Variants in LAMA4 observed in about 807,000 individuals in gnomAD.
LAMA4 encodes laminin subunit alpha 4, also known as laminin subunit alpha-4.
A neutral mutation model predicts 207.1 loss-of-function variants in LAMA4; 127 were observed. The ratio of observed to expected loss-of-function variants is 0.61; its 90% CI spans 0.53 to 0.71. The LOEUF (loss-of-function observed/expected upper bound fraction) is 0.71. Among genes scored for constraint, LAMA4 ranks in the 30% least tolerant of loss-of-function variants. LAMA4 has a pLI of 0.00. For synonymous variants in LAMA4, 761 were observed against 816.0 expected (o/e 0.93, Z 1.15); for missense variants, 2,093 against 2,246.5 (o/e 0.93, Z 1.38).
chr6:112,136,690 T>G (rs1420833073), intron 24 of LAMA4, among the ~76,000 whole-genome samples: 1 of 76,444 alleles, frequency 1.3e-5, no homozygotes, highest in Non-Finnish European at 2.7e-5. Context: ...AGACTCTGTC[T>G]CAAAAAAAAA....
chr6:112,188,888 A>G, intron 7 of LAMA4: 1 of 537,248 alleles, frequency 1.9e-6, no homozygotes, highest in Non-Finnish European at 3.4e-6. Flanking sequence ...AAGACTGGAT[A>G]AAATAGAGCT....
chr6:112,153,074 A>ATGAATT (rs1554336076), intron 16 of LAMA4, among the ~76,000 whole-genome samples: 3 of 152,076 alleles, frequency 2.0e-5, no homozygotes, highest in Non-Finnish European at 4.4e-5. Flanking sequence ...ACTTGCATAA[A>ATGAATT]TACTTTTCAT....
chr6:112,225,624 T>C (rs1164288315), intron 2 of LAMA4, among the ~76,000 whole-genome samples: 1 of 152,152 alleles, frequency 6.6e-6, no homozygotes, highest in African/African-American at 2.4e-5. Context: ...CCTTACACAG[T>C]TCTGAACTGT....
At chr6:112,194,387 A>G (rs1554349942) in intron 5 of LAMA4, among the ~76,000 whole-genome samples, 1 of 152,066 alleles carries the variant, frequency 6.6e-6, no homozygotes, top group African/African-American at 2.4e-5. Flanking sequence ...ACAAGAGAAA[A>G]CTCAAATTTT....
At chr6:112,164,695 T>A (rs1781282690) in intron 13 of LAMA4, among the ~76,000 whole-genome samples, 1 of 152,204 alleles carries the variant, frequency 6.6e-6, no homozygotes, top group African/African-American at 2.4e-5. Context: ...TTATTGGAAA[T>A]TTTCTACTTT....
At chr6:112,152,948 A>G (rs782166897) in intron 16 of LAMA4, among the ~76,000 whole-genome samples, 11 of 152,124 alleles carry the variant, frequency 7.2e-5, no homozygotes, top group Non-Finnish European at 1.5e-4. Flanking sequence ...GAAAGAATAT[A>G]TTTAACTCTA....
At chr6:112,221,450 ACAAACC>A (rs1318434243) in intron 2 of LAMA4, among the ~76,000 whole-genome samples, 3 of 152,170 alleles carry the variant, frequency 2.0e-5, no homozygotes, top group Admixed American at 1.3e-4. Flanking sequence ...AAAAACAAAA[ACAAACC>A]CAAAATCCCT....
intron 2 of LAMA4, among the ~76,000 whole-genome samples, chr6:112,241,140 T>TTC (rs1554187576): frequency 1.5e-4 from 10 of 68,408 alleles, no homozygotes; most frequent in African/African-American, 3.9e-4. Flanking sequence ...TATATAGGAA[T>TTC]ATATATATGA....
Position 112,148,310 on chromosome 6 carries a change from A to T in LAMA4, c.2200T>A (p.Ser734Thr). Reference sequence around the variant, plus strand: ...TTGGCTTCCTCGGTGATCAGTCTAGACTGCCCCAGGCGCTGCTGGGCATCC... The same window carrying T: ...TTGGCTTCCTCGGTGATCAGTCTAGTCTGCCCCAGGCGCTGCTGGGCATCC... The part of the protein sequence containing the change: ...RGDAQQRLGQ[S>T]RLITEEANRT... The change falls in exon 18 of 39, where the codon TCT becomes ACT. Residue 734 changes from serine to threonine, a missense_variant. This residue lies in a region of LAMA4 where 1,704 missense variants were observed against 1,788.4 expected (regional missense o/e 0.95). Coordinates refer to ENST00000230538, the MANE Select transcript of LAMA4 (RefSeq NM_001105206.3). 1 of 1,614,212 alleles carries T rather than the reference A, an allele frequency of 6.2e-7. No homozygotes were observed. Among genetic ancestry groups the T allele is most frequent in the Non-Finnish European group, 8.5e-7 (1 of 1,180,020 alleles).
chr6:112,175,619 A>G (rs1781979767), intron 10 of LAMA4, 139 bp from the exon 11 acceptor site: 2 of 837,392 alleles, frequency 2.4e-6, no homozygotes, highest in Admixed American at 1.9e-5. Context: ...GCAGCGTGCT[A>G]GTGTTCATGC....
chr6:112,149,787 G>A (rs956353061), intron 17 of LAMA4, among the ~76,000 whole-genome samples: 1 of 152,166 alleles, frequency 6.6e-6, no homozygotes, highest in Non-Finnish European at 1.5e-5. Context: ...TGATGATGAG[G>A]CTTCTCCATG....
rs1780161954 is a variant in LAMA4 at position 112,148,338 on chromosome 6, T to C, written c.2174-2A>G. 1 of 1,614,032 alleles carries C rather than the reference T, an allele frequency of 6.2e-7. No individual in the cohort carries two copies. The highest frequency in any genetic ancestry group is 8.5e-7 in the Non-Finnish European group (1 of 1,180,008). On this transcript the variant is annotated splice_acceptor_variant, in intron 17 of 38. Transcript: ENST00000230538. LOFTEE classifies it high-confidence loss of function. The stretch of plus-strand genomic sequence containing the variant: ...GCCCCAGGCGCTGCTGGGCATCCCC[T>C]TTACACAGAGCACAGGGTCATTCAC...
At chr6:112,111,855 G>T (rs782339916) in intron 38 of LAMA4, among the ~76,000 whole-genome samples, 1 of 152,204 alleles carries the variant, frequency 6.6e-6, no homozygotes, top group Non-Finnish European at 1.5e-5. Context: ...AGTGAGGGAT[G>T]ATGGCAGTGT....
intron 19 of LAMA4, among the ~76,000 whole-genome samples, chr6:112,143,199 T>C (rs1313760896): frequency 3.3e-5 from 5 of 152,150 alleles, no homozygotes; most frequent in African/African-American, 1.2e-4. Context: ...ATTTGGCTAA[T>C]GTGGGTGGTC....
At chr6:112,146,238 C>G (rs1259658595) in intron 18 of LAMA4, among the ~76,000 whole-genome samples, 6 of 151,190 alleles carry the variant, frequency 4.0e-5, no homozygotes, top group African/African-American at 1.2e-4. Context: ...TGCAATGGGC[C>G]AAGATCGCAC....
chr6:112,184,707 G>C (rs890759750), intron 9 of LAMA4, among the ~76,000 whole-genome samples: 11 of 152,034 alleles, frequency 7.2e-5, no homozygotes, highest in Non-Finnish European at 1.3e-4. Flanking sequence ...TTGTGGATTT[G>C]AGATTTATAC....
At chr6:112,127,720 AAGCAAGGAGACCTGCTGGG>A (rs879956628) in intron 31 of LAMA4, among the ~76,000 whole-genome samples, 1 of 152,158 alleles carries the variant, frequency 6.6e-6, no homozygotes, top group Non-Finnish European at 1.5e-5. Flanking sequence ...AACAAGGTGG[AAGCAAGGAGACCTGCTGGG>A]AGGTGATGCA....
At chr6:112,164,375 C>G (rs117665809) in intron 13 of LAMA4, among the ~76,000 whole-genome samples, 2 of 152,080 alleles carry the variant, frequency 1.3e-5, no homozygotes, top group East Asian at 3.9e-4. Context: ...GTGCTTGAAA[C>G]TAGGGTTTGG....
chr6:112,136,051 C>T, intron 25 of LAMA4, 72 bp downstream of exon 25: 1 of 1,386,520 alleles, frequency 7.2e-7, no homozygotes, highest in Non-Finnish European at 1.0e-6. Flanking sequence ...TCTCATTTGA[C>T]TGCCTGATTA....
Sources: allele counts gnomAD v4.1 joint callset (sites outside exome capture counted in the v4.1 genomes callset), GRCh38; gene constraint gnomAD v4.1.1; regional missense constraint gnomAD v4.1.1; transcripts MANE v1.5; gene names NCBI Gene and HGNC (gene_info 2026-07-23, HGNC 2026-07-21).